GSE1: variants seen among roughly 807,000 people sequenced by gnomAD.
The protein encoded by GSE1 is genetic suppressor element 1.
A neutral mutation model predicts 112.6 loss-of-function variants in GSE1; 32 were observed. The observed-to-expected ratio is 0.28, with a 90% CI of 0.21 to 0.38. The LOEUF is 0.38. Among genes scored for constraint, GSE1 ranks in the 10% least tolerant of loss-of-function variants. The pLI, the probability that GSE1 is intolerant of heterozygous loss-of-function variation, is 1.00. For synonymous variants in GSE1, 1,115 were observed against 735.6 expected (o/e 1.52, Z -8.35); for missense variants, 2,348 against 1,699.2 (o/e 1.38, Z -6.71).
At chr16:85,459,023 C>A (rs534051406) in intron 2 of GSE1, among the ~76,000 whole-genome samples, 181 of 152,334 alleles carry the variant, frequency 1.2e-3, no homozygotes, top group Non-Finnish European at 2.3e-3. Flanking sequence ...TCGCTCCTGC[C>A]ACCCTGTGCC....
chr16:85,613,928 C>G, intron 1 of GSE1, among the ~76,000 whole-genome samples: 1 of 151,544 alleles, frequency 6.6e-6, no homozygotes, highest in South Asian at 2.1e-4. Context: ...CTCCCCCTCC[C>G]CGACCCCTTG....
chr16:85,644,011 G>A (rs1036328727), intron 2 of GSE1, among the ~76,000 whole-genome samples: 1 of 152,118 alleles, frequency 6.6e-6, no homozygotes, highest in African/African-American at 2.4e-5. Context: ...TTTGGGCCGG[G>A]TGCACAGGAG....
At chr16:85,418,584 C>G (rs928788311) in intron 2 of GSE1, among the ~76,000 whole-genome samples, 1 of 152,248 alleles carries the variant, frequency 6.6e-6, no homozygotes, top group African/African-American at 2.4e-5. Flanking sequence ...GAGCCAGACC[C>G]AGCCTCTCAG....
chr16:85,365,338 G>C (rs2047164680), intron 2 of GSE1, among the ~76,000 whole-genome samples: 1 of 152,238 alleles, frequency 6.6e-6, no homozygotes, highest in South Asian at 2.1e-4. Flanking sequence ...TATGCAGACA[G>C]CACTTCAGAC....
intron 2 of GSE1, among the ~76,000 whole-genome samples, chr16:85,394,611 A>G (rs2047926023): frequency 6.6e-6 from 1 of 152,130 alleles, no homozygotes; most frequent in African/African-American, 2.4e-5. Context: ...TCCTGTCTGC[A>G]GGATCACCTT....
intron 2 of GSE1, among the ~76,000 whole-genome samples, chr16:85,644,611 G>A (rs2050703678): frequency 6.6e-6 from 1 of 152,188 alleles, no homozygotes; most frequent in Non-Finnish European, 1.5e-5. Flanking sequence ...TCCGGAACAG[G>A]CCCTTCTTTA....
At chr16:85,207,367 C>T (rs2075137053) in intron 1 of GSE1, among the ~76,000 whole-genome samples, 1 of 152,262 alleles carries the variant, frequency 6.6e-6, no homozygotes, top group Non-Finnish European at 1.5e-5. Flanking sequence ...CTGCCCGCCG[C>T]CAGCCATCCC....
chr16:85,644,721 T>G (rs1003065681), intron 2 of GSE1, among the ~76,000 whole-genome samples: 1 of 151,782 alleles, frequency 6.6e-6, no homozygotes, highest in African/African-American at 2.4e-5. Context: ...TGAAATGGAT[T>G]GTGGTGATGG....
chr16:85,251,838 A>G lies in GSE1; in HGVS notation c.2283+80031A>G, dbSNP rs532682006. On this transcript the variant is annotated intron_variant, in intron 1 of 2. Coordinates refer to the GSE1 transcript ENST00000637419. ...CTGTCTGCATTAGGGGGCTGCACAC[A>G]ACCGCTGGGTGTGCGGAACCCCTAT... Among the ~76,000 whole-genome samples, 26 of 152,302 alleles carry G rather than the reference A, an allele frequency of 1.7e-4. No individual in the cohort carries two copies. The South Asian group carries it at 5.2e-3, about 30-fold the overall frequency.
intron 1 of GSE1, among the ~76,000 whole-genome samples, chr16:85,184,917 C>A (rs1373885244): frequency 1.3e-5 from 2 of 152,216 alleles, no homozygotes; most frequent in African/African-American, 4.8e-5. Flanking sequence ...TGGTTCTCTA[C>A]ATATTAATTA....
chr16:85,491,242 C>G (rs775418873), intron 2 of GSE1, among the ~76,000 whole-genome samples: 3 of 152,218 alleles, frequency 2.0e-5, no homozygotes, highest in African/African-American at 4.8e-5. Flanking sequence ...TGGGTGCCAC[C>G]TGGGGCCACG....
intron 1 of GSE1, among the ~76,000 whole-genome samples, chr16:85,577,223 T>G (rs1299681351): frequency 1.3e-5 from 2 of 152,122 alleles, no homozygotes; most frequent in Non-Finnish European, 1.5e-5. Flanking sequence ...TCATGGTAGG[T>G]GGTGGCTGAT....
intron 1 of GSE1, among the ~76,000 whole-genome samples, chr16:85,242,835 A>G (rs1474866201): frequency 7.2e-5 from 11 of 152,136 alleles, no homozygotes; most frequent in Non-Finnish European, 1.5e-5. Flanking sequence ...TATTTGAGAC[A>G]AGGTCTTGCT....
exon 1 of GSE1, chr16:85,170,322 G>A: frequency 1.0e-6 from 1 of 985,516 alleles, no homozygotes; most frequent in Non-Finnish European, 1.2e-6. Flanking sequence ...GGGTTCCCGA[G>A]GCCCGGGCCA....
intron 1 of GSE1, among the ~76,000 whole-genome samples, chr16:85,184,652 T>C (rs971121407): frequency 1.3e-5 from 2 of 152,246 alleles, no homozygotes; most frequent in Non-Finnish European, 2.9e-5. Flanking sequence ...TGATAAGTCA[T>C]TTCTCATTCT....
intron 1 of GSE1, among the ~76,000 whole-genome samples, chr16:85,186,779 CAAAA>C (rs1044919096): frequency 1.3e-5 from 2 of 151,982 alleles, no homozygotes; most frequent in African/African-American, 4.8e-5. Flanking sequence ...CAACAAAAGA[CAAAA>C]AAATCTAAAC....
intron 1 of GSE1, among the ~76,000 whole-genome samples, chr16:85,566,853 GAA>G (rs1168245507): frequency 6.6e-6 from 1 of 152,226 alleles, no homozygotes; most frequent in Admixed American, 6.5e-5. Context: ...GAGGAGGAGA[GAA>G]TGGCGGGGTC....
At chr16:85,583,765 C>A (rs944398021) in intron 1 of GSE1, among the ~76,000 whole-genome samples, 1 of 152,298 alleles carries the variant, frequency 6.6e-6, no homozygotes, top group East Asian at 1.9e-4. Context: ...ACCCGCCCCC[C>A]GTCCTCCTCC....
chr16:85,478,921 TTC>T (rs1567520857), intron 2 of GSE1, among the ~76,000 whole-genome samples: 3 of 55,446 alleles, frequency 5.4e-5, no homozygotes, highest in African/African-American at 2.0e-4. Context: ...CTTTCTTTCT[TTC>T]TTTCTCTTTC....
Sources: allele counts gnomAD v4.1 joint callset (sites outside exome capture counted in the v4.1 genomes callset), GRCh38; gene constraint gnomAD v4.1.1; transcripts MANE v1.5; gene names NCBI Gene and HGNC (gene_info 2026-07-23, HGNC 2026-07-21).